TTL: variants seen among roughly 807,000 people sequenced by gnomAD.
The protein encoded by TTL is tubulin--tyrosine ligase.
In TTL, 10 loss-of-function variants were observed where a neutral mutation model predicts 41.1. The observed-to-expected ratio is 0.24, with a 90% CI of 0.15 to 0.41. The LOEUF (loss-of-function observed/expected upper bound fraction) is 0.41. Ranked by LOEUF, TTL falls within the 10% of genes least tolerant of loss-of-function variation. The pLI is 1.00. For missense variants in TTL, 367 were observed against 460.4 expected, an observed-to-expected ratio of 0.80 and a Z score of 1.86; for synonymous variants, 175 against 175.5, an observed-to-expected ratio of 1.00 and a Z score of 0.02.
intron 2 of TTL, among the ~76,000 whole-genome samples, chr2:112,490,149 C>G (rs1559010497): frequency 6.6e-6 from 1 of 152,182 alleles, no homozygotes; most frequent in Admixed American, 6.5e-5. Context: ...GATGTGGTGA[C>G]TCACACCTGT....
Position 112,529,928 on chromosome 2 carries a change from G to A in TTL, c.*1133G>A, listed in dbSNP as rs547900403. ...TTGTAAATCTCAACAAATGTGTACT[G>A]TTAGAAGTGGCTTCCGCTTACTGGA... On this transcript the variant is annotated 3_prime_UTR_variant, in exon 7 of 7. Transcript: ENST00000233336. 7 of 225,368 alleles carry A rather than the reference G, an allele frequency of 3.1e-5. No homozygotes were observed. In the East Asian group the frequency reaches 4.5e-4, roughly 14 times the overall value. The allele number at this position is 225,368 out of a possible 1,614,324, so 14.0% of individuals were successfully genotyped here. A position where few individuals can be genotyped will look rare whatever the true frequency, so the allele number is the denominator to read the frequency against.
intron 2 of TTL, among the ~76,000 whole-genome samples, chr2:112,490,142 G>A (rs911910798): frequency 6.6e-6 from 1 of 152,170 alleles, no homozygotes; most frequent in Non-Finnish European, 1.5e-5. Flanking sequence ...AAGGCCGGAT[G>A]TGGTGACTCA....
rs1489534634 is a variant in TTL, at chr2:112,540,549, A to T, written c.*11754A>T. 1 of 152,262 alleles carries T rather than the reference A, an allele frequency of 6.6e-6. No homozygotes were observed. Among genetic ancestry groups the T allele is most frequent in the Non-Finnish European group, 1.5e-5 (1 of 68,052 alleles). 9.4% of individuals were successfully genotyped at this position (152,262 alleles called of 1,614,324 possible). A position where few individuals can be genotyped will look rare whatever the true frequency, so the allele number is the denominator to read the frequency against. ...AGAAGAACAAAGTTGGAGGATGTGC[A>T]CTTCCTGATTTCAAAATTTATTACA... On this transcript the variant is annotated 3_prime_UTR_variant, in exon 7 of 7. Transcript: ENST00000233336.
At chr2:112,492,846 G>A (rs1282639802) in intron 2 of TTL, among the ~76,000 whole-genome samples, 6 of 151,988 alleles carry the variant, frequency 3.9e-5, no homozygotes, top group Non-Finnish European at 7.4e-5. Context: ...AGCCAGGATC[G>A]CACCACTGCA....
intron 1 of TTL, among the ~76,000 whole-genome samples, chr2:112,484,427 C>G (rs1260091047): frequency 1.3e-5 from 2 of 151,806 alleles, no homozygotes; most frequent in Non-Finnish European, 2.9e-5. Flanking sequence ...CCATGCCCAG[C>G]TAATTTTTTG....
In TTL at chr2:112,497,112, G is replaced by A. The variant is rs1574058804; in HGVS notation, c.469+2737G>A. On this transcript the variant is annotated intron_variant, in intron 3 of 6. Transcript: ENST00000233336. ...TGGGATTACAGGCGTGAGCCACCGTGCCCGGGCCCGCTCCCATCTCAAGCT... is the reference window on the plus strand; with the variant it reads ...TGGGATTACAGGCGTGAGCCACCGTACCCGGGCCCGCTCCCATCTCAAGCT... Among the ~76,000 whole-genome samples the A allele has an allele frequency of 2.0e-5, 3 of 151,352 alleles. No individual in the cohort carries two copies. In the Middle Eastern group the frequency reaches 0.01, roughly 515 times the overall value.
At chr2:112,483,119 C>T (rs1476438917) in intron 1 of TTL, 2 of 152,232 alleles carry the variant, frequency 1.3e-5, no homozygotes, top group Non-Finnish European at 2.9e-5. Context: ...CTTAGTTTCA[C>T]CAAATAATGT....
rs1230263095 is a variant in TTL, at chr2:112,535,368, A to G, written c.*6573A>G. 1.3e-5 allele frequency: 2 copies of G among 152,076 alleles called. No individual in the cohort carries two copies. The highest frequency in any genetic ancestry group is 4.8e-5 in the African/African-American group (2 of 41,432). The allele number at this position is 152,076 out of a possible 1,614,324, so 9.4% of individuals were successfully genotyped here. A position where few individuals can be genotyped will look rare whatever the true frequency, so the allele number is the denominator to read the frequency against. ...GAGTCCTAGAATAGATAAGTGAGAGAGAGGGAAGGGGATAAAACATATACT... is the reference window on the plus strand; with the variant it reads ...GAGTCCTAGAATAGATAAGTGAGAGGGAGGGAAGGGGATAAAACATATACT... On this transcript the variant is annotated 3_prime_UTR_variant, in exon 7 of 7. Coordinates refer to ENST00000233336, the MANE Select transcript of TTL (RefSeq NM_153712.5).
In TTL at chr2:112,530,249, A is replaced by AACTT; in HGVS notation, c.*1457_*1460dup. On this transcript the variant is annotated 3_prime_UTR_variant, in exon 7 of 7. Transcript: ENST00000233336. The stretch of plus-strand genomic sequence containing the variant: ...CTCCTTGAACATGATGAGATGTGAG[A>AACTT]ACTTACAATGAAAAAGGCAATAATG... 4.3e-6 allele frequency: 1 copy of AACTT among 231,056 alleles called. No homozygotes were observed. The highest frequency in any genetic ancestry group is 2.2e-5 in the African/African-American group (1 of 45,356). 14.3% of individuals were successfully genotyped at this position (231,056 alleles called of 1,614,324 possible). A position where few individuals can be genotyped will look rare whatever the true frequency, so the allele number is the denominator to read the frequency against.
At chr2:112,515,873 G>A (rs1041951648) in intron 5 of TTL, among the ~76,000 whole-genome samples, 1 of 151,920 alleles carries the variant, frequency 6.6e-6, no homozygotes, top group Non-Finnish European at 1.5e-5. Flanking sequence ...CTTGAACCCC[G>A]GAGGTGGAGC....
Position 112,529,439 on chromosome 2 carries a change from G to A in TTL, c.*644G>A, listed in dbSNP as rs1682451650. The A allele has an allele frequency of 4.4e-6, 1 of 227,660 alleles. No individual in the cohort carries two copies. Among genetic ancestry groups the A allele is most frequent in the Admixed American group, 5.7e-5 (1 of 17,562 alleles). The allele number at this position is 227,660 out of a possible 1,614,324, so 14.1% of individuals were successfully genotyped here. A position where few individuals can be genotyped will look rare whatever the true frequency, so the allele number is the denominator to read the frequency against. ...GCTCTCTGCATGTTTTAGAAACAAA[G>A]TGGCAAGTCTGCCCTGAACCTGTAA... On this transcript the variant is annotated 3_prime_UTR_variant, in exon 7 of 7. Coordinates refer to ENST00000233336, the MANE Select transcript of TTL (RefSeq NM_153712.5).
intron 6 of TTL, among the ~76,000 whole-genome samples, chr2:112,526,716 T>C (rs1319221246): frequency 6.6e-6 from 1 of 152,194 alleles, no homozygotes; most frequent in Non-Finnish European, 1.5e-5. Context: ...CTATCAGTTT[T>C]GTTGATCTTT....
intron 3 of TTL, among the ~76,000 whole-genome samples, chr2:112,500,106 A>C (rs994073075): frequency 5.3e-5 from 8 of 152,182 alleles, no homozygotes; most frequent in African/African-American, 1.9e-4. Flanking sequence ...GAAATTAGAC[A>C]CAAAAGGCCA....
At chr2:112,491,685 A>G (rs899328404) in intron 2 of TTL, among the ~76,000 whole-genome samples, 3 of 152,208 alleles carry the variant, frequency 2.0e-5, no homozygotes, top group Non-Finnish European at 4.4e-5. Flanking sequence ...TGTGTTGGAT[A>G]TTGTGATTTT....
chr2:112,516,661 A>G (rs1461577434), intron 5 of TTL, among the ~76,000 whole-genome samples: 3 of 152,150 alleles, frequency 2.0e-5, no homozygotes, highest in Admixed American at 6.6e-5. Flanking sequence ...GCAACAGAGC[A>G]AGATTCCATC....
chr2:112,518,270 C>G (rs565339273), intron 5 of TTL, among the ~76,000 whole-genome samples: 1 of 151,458 alleles, frequency 6.6e-6, no homozygotes, highest in African/African-American at 2.4e-5. Context: ...TGAGCCACCT[C>G]GCCCAGCCAA....
At position 112,482,575 on chromosome 2, in the gene TTL, G is replaced by T. The variant is rs1681121461; in HGVS notation, c.157+74G>T. The stretch of plus-strand genomic sequence containing the variant: ...CGCCTCCCGCGGCCCGTTAGAACCG[G>T]CGCTTTTGTTTTTAAAGGTCATACA... On this transcript the variant is annotated intron_variant, in intron 1 of 6. Coordinates refer to ENST00000233336, the MANE Select transcript of TTL (RefSeq NM_153712.5). The surrounding 1 kb of genome is among the most constrained non-coding windows in gnomAD (Gnocchi z 5.3). 2.5e-5 allele frequency: 36 copies of T among 1,460,428 alleles called. No homozygotes were observed. Among genetic ancestry groups the T allele is most frequent in the Non-Finnish European group, 3.2e-5 (35 of 1,098,868 alleles). The allele number at this position is 1,460,428 out of a possible 1,614,324, so 90.5% of individuals were successfully genotyped here.
intron 5 of TTL, among the ~76,000 whole-genome samples, chr2:112,513,725 T>C (rs1471049104): frequency 6.6e-6 from 1 of 151,834 alleles, no homozygotes; most frequent in Non-Finnish European, 1.5e-5. Context: ...GCATACAAAT[T>C]TATTTCACTT....
rs973673422 is a variant in TTL at position 112,540,308 on chromosome 2, ATGCC to A, written c.*11516_*11519del. ...CAAAATTAGCCAGGCATGGTGGTGCATGCCTGTAATCTCAGCTATTTGGGAGGCT... is the reference window on the plus strand; with the variant it reads ...CAAAATTAGCCAGGCATGGTGGTGCATGTAATCTCAGCTATTTGGGAGGCT... On this transcript the variant is annotated 3_prime_UTR_variant, in exon 7 of 7. Transcript: ENST00000233336. 4 of 152,104 alleles carry A rather than the reference ATGCC, an allele frequency of 2.6e-5. No individual in the cohort carries two copies. Among genetic ancestry groups the A allele is most frequent in the African/African-American group, 9.7e-5 (4 of 41,394 alleles). The allele number at this position is 152,104 out of a possible 1,614,324, so 9.4% of individuals were successfully genotyped here. A position where few individuals can be genotyped will look rare whatever the true frequency, so the allele number is the denominator to read the frequency against.
Sources: allele counts gnomAD v4.1 joint callset (sites outside exome capture counted in the v4.1 genomes callset), GRCh38; gene constraint gnomAD v4.1.1; non-coding constraint Gnocchi (gnomAD v3.1); transcripts MANE v1.5; gene names NCBI Gene and HGNC (gene_info 2026-07-23, HGNC 2026-07-21).